Variants in PPFIA2 observed in about 807,000 individuals in gnomAD.
The protein encoded by PPFIA2 is PPFI scaffold protein A2.
PPFIA2 carries 46 observed loss-of-function variants against 175.5 expected under a neutral mutation model. That is an observed-to-expected ratio of 0.26 (90% CI 0.21 to 0.34). The LOEUF (loss-of-function observed/expected upper bound fraction) is 0.34. Among genes scored for constraint, PPFIA2 ranks in the 10% least tolerant of loss-of-function variants. PPFIA2 has a pLI of 1.00. For synonymous variants in PPFIA2, 568 were observed against 511.4 expected (o/e 1.11, Z -1.49); for missense variants, 1,179 against 1,506.1 (o/e 0.78, Z 3.60).
At chr12:81,509,031 T>G (rs2061497868) in intron 4 of PPFIA2, among the ~76,000 whole-genome samples, 1 of 151,996 alleles carries the variant, frequency 6.6e-6, no homozygotes, top group African/African-American at 2.4e-5. Flanking sequence ...CCATAAAAAA[T>G]GATGAGTTCA....
chr12:81,642,457 A>G (rs1046362255), intron 4 of PPFIA2, among the ~76,000 whole-genome samples: 4 of 151,116 alleles, frequency 2.6e-5, no homozygotes. Flanking sequence ...ATAAAAACTG[A>G]AAATATATGC....
intron 4 of PPFIA2, among the ~76,000 whole-genome samples, chr12:81,477,828 C>T (rs1199790088): frequency 6.6e-6 from 1 of 151,650 alleles, no homozygotes; most frequent in Non-Finnish European, 1.5e-5. Context: ...AGGATTTTCG[C>T]ATTGATGTTC....
At chr12:81,273,557 T>G (rs2039714464) in intron 28 of PPFIA2, among the ~76,000 whole-genome samples, 1 of 152,192 alleles carries the variant, frequency 6.6e-6, no homozygotes, top group Non-Finnish European at 1.5e-5. Context: ...CTCCAATCTA[T>G]CAGAAGTAGA....
chr12:81,552,618 GTTATTTAATGTTTGGTGGTTTAA>G (rs1209429829), intron 4 of PPFIA2, among the ~76,000 whole-genome samples: 9 of 151,804 alleles, frequency 5.9e-5, no homozygotes, highest in Non-Finnish European at 8.8e-5. Context: ...TGAATCTTTT[GTTATTTAATGTTTGGTGGTTTAA>G]ATATCAAAAA....
At chr12:81,332,921 C>G (rs1450345177) in intron 21 of PPFIA2, among the ~76,000 whole-genome samples, 2 of 152,118 alleles carry the variant, frequency 1.3e-5, no homozygotes, top group African/African-American at 4.8e-5. Context: ...CTCTAGAAGT[C>G]TGTAATCTTA....
chr12:81,452,272 T>G (rs1276271749), intron 5 of PPFIA2, among the ~76,000 whole-genome samples: 1 of 152,242 alleles, frequency 6.6e-6, no homozygotes, highest in Non-Finnish European at 1.5e-5. Flanking sequence ...TAGATCTTAA[T>G]TCAACAAAAC....
chr12:81,718,567 G>A (rs553716695), intron 3 of PPFIA2, among the ~76,000 whole-genome samples: 182 of 151,594 alleles, frequency 1.2e-3, no homozygotes, highest in Middle Eastern at 6.8e-3. Flanking sequence ...GAACCCAGAC[G>A]GGCTCTCAAA....
chr12:81,418,084 A>G (rs1448059415), intron 7 of PPFIA2, among the ~76,000 whole-genome samples: 1 of 151,900 alleles, frequency 6.6e-6, no homozygotes, highest in African/African-American at 2.4e-5. Flanking sequence ...ATTATAAGTT[A>G]TTATTATGGT....
At chr12:81,693,270 A>G (rs1021052185) in intron 3 of PPFIA2, among the ~76,000 whole-genome samples, 1 of 152,010 alleles carries the variant, frequency 6.6e-6, no homozygotes, top group African/African-American at 2.4e-5. Flanking sequence ...CCAGTGTTGG[A>G]GGTGGGGTCT....
At position 81,513,074 on chromosome 12, in the gene PPFIA2, T is replaced by C. The variant is rs535805977; in HGVS notation, c.304-55208A>G. Among the ~76,000 whole-genome samples the C allele has an allele frequency of 3.8e-3, 575 of 151,840 alleles. 3 individuals carry two copies. Among genetic ancestry groups the C allele is most frequent in the African/African-American group, 0.013 (538 of 41,422 alleles). ...AGCAAGGAAAATAATAATAATCCCA[T>C]CAAAAAGTGGGCAAAGGACATGAAT... On this transcript the variant is annotated intron_variant, in intron 4 of 32. Transcript: ENST00000549396.
At chr12:81,274,784 C>A (rs1031771430) in intron 28 of PPFIA2, among the ~76,000 whole-genome samples, 1 of 152,122 alleles carries the variant, frequency 6.6e-6, no homozygotes, top group Non-Finnish European at 1.5e-5. Flanking sequence ...GAGAATTATT[C>A]CTGTAAATGT....
intron 28 of PPFIA2, among the ~76,000 whole-genome samples, chr12:81,276,526 C>T (rs138002013): frequency 7.2e-5 from 11 of 152,038 alleles, no homozygotes; most frequent in African/African-American, 2.7e-4. Flanking sequence ...TAACATATTC[C>T]TCTTTGAAAT....
intron 4 of PPFIA2, among the ~76,000 whole-genome samples, chr12:81,644,764 G>A (rs995470738): frequency 1.3e-5 from 2 of 152,068 alleles, no homozygotes; most frequent in Non-Finnish European, 2.9e-5. Flanking sequence ...TTTGTTCTAT[G>A]TAAGCATAGT....
intron 2 of PPFIA2, among the ~76,000 whole-genome samples, chr12:81,754,879 C>A (rs1178406488): frequency 2.6e-5 from 4 of 152,024 alleles, no homozygotes; most frequent in Non-Finnish European, 5.9e-5. Flanking sequence ...TATGCTCTCT[C>A]CCTGAATTCC....
At chr12:81,746,282 A>C (rs1369290563) in intron 3 of PPFIA2, among the ~76,000 whole-genome samples, 1 of 144,804 alleles carries the variant, frequency 6.9e-6, no homozygotes, top group Non-Finnish European at 1.5e-5. Flanking sequence ...AATTGAGAGG[A>C]ATAAAACAAA....
chr12:81,564,115 A>G (rs1364022579), intron 4 of PPFIA2, among the ~76,000 whole-genome samples: 1 of 152,232 alleles, frequency 6.6e-6, no homozygotes, highest in Non-Finnish European at 1.5e-5. Flanking sequence ...CAAAATAGAC[A>G]TAAGTATGAA....
At chr12:81,684,676 C>T (rs970846153) in intron 3 of PPFIA2, among the ~76,000 whole-genome samples, 2 of 151,944 alleles carry the variant, frequency 1.3e-5, no homozygotes, top group African/African-American at 2.4e-5. Context: ...AATGACTTGC[C>T]CCAAATCACA....
At position 81,336,009 on chromosome 12, in the gene PPFIA2, C is replaced by T. The variant is rs181574017; in HGVS notation, c.2548+3171G>A. Among the ~76,000 whole-genome samples the T allele has an allele frequency of 3.1e-3, 475 of 152,232 alleles. 1 individual carries two copies. Among genetic ancestry groups the T allele is most frequent in the Non-Finnish European group, 3.7e-3 (253 of 68,012 alleles). ...CTCACTGATTCATTTGAGTCTACAT[C>T]ACTCCTATTTATTTTCTGCCCATAC... On this transcript the variant is annotated intron_variant, in intron 21 of 32. Coordinates refer to ENST00000549396, the MANE Select transcript of PPFIA2 (RefSeq NM_003625.5).
chr12:81,339,152 T>C, intron 21 of PPFIA2, 28 bp downstream of exon 21: 1 of 1,497,830 alleles, frequency 6.7e-7, no homozygotes, highest in Non-Finnish European at 8.9e-7. Flanking sequence ...TGAGTGGCAG[T>C]GGAAAGTCTT....
Sources: gnomAD v4.1 joint callset for allele counts (sites outside exome capture counted in the v4.1 genomes callset) on GRCh38, gnomAD v4.1.1 for gene constraint, MANE v1.5 for transcripts, NCBI Gene and HGNC (gene_info 2026-07-23, HGNC 2026-07-21) for gene names.